The following NOVA2 variants were observed in gnomAD, a reference collection of about 807,000 sequenced individuals.
The protein encoded by NOVA2 is RNA-binding protein Nova-2.
In NOVA2, 9 loss-of-function variants were observed where a neutral mutation model predicts 22.5. That is an observed-to-expected ratio of 0.40 (90% CI 0.24 to 0.70). The LOEUF (loss-of-function observed/expected upper bound fraction) is 0.70. Ranked by LOEUF, NOVA2 falls within the 30% of genes least tolerant of loss-of-function variation. NOVA2 has a pLI of 0.38. For synonymous variants in NOVA2, 318 were observed against 335.2 expected (o/e 0.95, Z 0.56); for missense variants, 383 against 682.8 (o/e 0.56, Z 4.89).
At chr19:45,942,649 T>C (rs1967777436) in intron 3 of NOVA2, among the ~76,000 whole-genome samples, 1 of 152,092 alleles carries the variant, frequency 6.6e-6, no homozygotes, top group African/African-American at 2.4e-5. Flanking sequence ...TCAATCTCCT[T>C]CTAATTCCTG....
intron 1 of NOVA2, among the ~76,000 whole-genome samples, chr19:45,970,516 T>C (rs1026818313): frequency 1.3e-5 from 2 of 151,812 alleles, no homozygotes; most frequent in Non-Finnish European, 2.9e-5. Context: ...GCTCGGACTA[T>C]AGGCGCCCAC....
intron 3 of NOVA2, among the ~76,000 whole-genome samples, chr19:45,945,986 C>T (rs1344652358): frequency 1.7e-5 from 2 of 118,548 alleles, no homozygotes; most frequent in Non-Finnish European, 3.2e-5. Context: ...GCCTGAATGA[C>T]AGAGTGAGAC....
At chr19:45,967,656 C>T (rs1278797597) in intron 1 of NOVA2, 1 of 152,214 alleles carries the variant, frequency 6.6e-6, no homozygotes, top group African/African-American at 2.4e-5. Flanking sequence ...TGTATCCACC[C>T]CCTCAGGGAT....
chr19:45,945,841 T>A (rs8103184), intron 3 of NOVA2, among the ~76,000 whole-genome samples: 42,748 of 142,614 alleles, frequency 0.3, 6,739 homozygotes, highest in African/African-American at 0.44. Context: ...TATTATTATT[T>A]TTTTTTTTTT....
At chr19:45,958,603 C>G (rs1600613065) in intron 2 of NOVA2, among the ~76,000 whole-genome samples, 1 of 149,842 alleles carries the variant, frequency 6.7e-6, no homozygotes, top group South Asian at 2.1e-4. Context: ...GTGAGCATGA[C>G]AGTGTGCGTG....
At chr19:45,946,742 C>T (rs1967845057) in intron 3 of NOVA2, among the ~76,000 whole-genome samples, 1 of 152,020 alleles carries the variant, frequency 6.6e-6, no homozygotes, top group Non-Finnish European at 1.5e-5. Flanking sequence ...CGTGGTGGCA[C>T]ACGCCTGTAG....
intron 1 of NOVA2, among the ~76,000 whole-genome samples, chr19:45,962,903 C>T (rs1968116610): frequency 6.6e-6 from 1 of 152,136 alleles, no homozygotes; most frequent in African/African-American, 2.4e-5. Flanking sequence ...CCACCTCGGC[C>T]TCCCAAAGTG....
rs538110541 is a variant in NOVA2, at chr19:45,936,562, CT to C, written c.*3300del. 9.3e-3 allele frequency: 1,294 copies of C among 139,044 alleles called. 10 individuals carry two copies. The highest frequency in any genetic ancestry group is 0.029 in the Middle Eastern group (8 of 280). The allele number at this position is 139,044 out of a possible 1,614,324, so 8.6% of individuals were successfully genotyped here. On this transcript the variant is annotated 3_prime_UTR_variant, in exon 4 of 4. Coordinates refer to ENST00000263257, the MANE Select transcript of NOVA2 (RefSeq NM_002516.4). The stretch of plus-strand genomic sequence containing the variant: ...GGCTCAGTTCCAAGGAAGTTTGGCA[CT>C]TTTTTTTTTTTTTAAATGGGGAAAT...
chr19:45,941,910 C>T (rs1182612168), intron 3 of NOVA2, among the ~76,000 whole-genome samples: 1 of 152,164 alleles, frequency 6.6e-6, no homozygotes, highest in Non-Finnish European at 1.5e-5. Flanking sequence ...ATGGGGCCCT[C>T]CAGGATCTCA....
chr19:45,944,305 G>A (rs1024655683), intron 3 of NOVA2, among the ~76,000 whole-genome samples: 1 of 152,008 alleles, frequency 6.6e-6, no homozygotes, highest in African/African-American at 2.4e-5. Context: ...AGCCAGGTGT[G>A]GTGGCATCTG....
intron 1 of NOVA2, among the ~76,000 whole-genome samples, chr19:45,966,707 G>A (rs1003121371): frequency 1.3e-5 from 2 of 152,136 alleles, no homozygotes; most frequent in African/African-American, 4.8e-5. Flanking sequence ...GTAAAACCCC[G>A]TCTCTACTAA....
Position 45,973,314 on chromosome 19 carries a change from A to AT in NOVA2, c.37_38insA (p.Leu13HisfsTer102). ...GCAGACCACCTCGGGGGGCGTTTCG[A>AT]GGGGCCTCTTGCGGGAATCCGGGGC... On this transcript the variant is annotated frameshift_variant, in exon 1 of 4. Transcript: ENST00000263257. LOFTEE classifies it high-confidence loss of function. 7.6e-7 allele frequency: 1 copy of AT among 1,307,582 alleles called. No individual in the cohort carries two copies. 81.0% of individuals were successfully genotyped at this position (1,307,582 alleles called of 1,614,324 possible).
At chr19:45,959,717 G>T (rs1177163132) in intron 2 of NOVA2, among the ~76,000 whole-genome samples, 4 of 150,446 alleles carry the variant, frequency 2.7e-5, no homozygotes, top group South Asian at 4.2e-4. Flanking sequence ...AGAGAGAAGA[G>T]GAGAGAAGAT....
At chr19:45,960,653 C>T (rs1479532061) in intron 2 of NOVA2, among the ~76,000 whole-genome samples, 2 of 152,010 alleles carry the variant, frequency 1.3e-5, no homozygotes, top group Non-Finnish European at 2.9e-5. Context: ...TGGAACATGG[C>T]TGGCTGGCCC....
Position 45,940,225 on chromosome 19 carries a change from C to G in NOVA2, c.1117G>C (p.Gly373Arg). The change falls in exon 4 of 4, where the codon GGG becomes CGG. Residue 373 changes from glycine (G) to arginine (R), a missense_variant. Physicochemically the swap from Gly to Arg is moderately radical, Grantham distance 125 (BLOSUM62 -2). Transcript: ENST00000263257. The part of the protein sequence containing the change: ...NGYLGAGAGG[G>R]AGGGGGPLVA... Reference sequence around the variant, plus strand: ...AGCGGGCCGCCCCCTCCGCCCGCCCCGCCGCCCGCCCCGGCCCCGAGGTAG... The same window carrying G: ...AGCGGGCCGCCCCCTCCGCCCGCCCGGCCGCCCGCCCCGGCCCCGAGGTAG... 5 of 1,106,024 alleles carry G rather than the reference C, an allele frequency of 4.5e-6. No individual in the cohort carries two copies. Among genetic ancestry groups the G allele is most frequent in the Non-Finnish European group, 5.5e-6 (5 of 912,152 alleles). The allele number at this position is 1,106,024 out of a possible 1,614,324, so 68.5% of individuals were successfully genotyped here.
chr19:45,941,936 A>G (rs956862925), intron 3 of NOVA2, among the ~76,000 whole-genome samples: 15 of 152,122 alleles, frequency 9.9e-5, no homozygotes, highest in Admixed American at 8.5e-4. Context: ...AGCTTGCACA[A>G]TGGCCCACCC....
intron 1 of NOVA2, among the ~76,000 whole-genome samples, chr19:45,963,076 A>G (rs1968119228): frequency 6.6e-6 from 1 of 152,076 alleles, no homozygotes. Flanking sequence ...ACTTCTCAGT[A>G]TAAGAAGACC....
chr19:45,958,610 CGT>C (rs1164965996), intron 2 of NOVA2, among the ~76,000 whole-genome samples: 1 of 148,668 alleles, frequency 6.7e-6, no homozygotes, highest in Non-Finnish European at 1.5e-5. Flanking sequence ...TGACAGTGTG[CGT>C]GTCAGCGTGT....
chr19:45,971,003 A>G (rs1968225763), intron 1 of NOVA2, among the ~76,000 whole-genome samples: 1 of 152,168 alleles, frequency 6.6e-6, no homozygotes, highest in Non-Finnish European at 1.5e-5. Flanking sequence ...GGTTACGTCC[A>G]GGAGCTCCGG....
Sources: allele counts gnomAD v4.1 joint callset (sites outside exome capture counted in the v4.1 genomes callset), GRCh38; gene constraint gnomAD v4.1.1; transcripts MANE v1.5; gene names NCBI Gene and HGNC (gene_info 2026-07-23, HGNC 2026-07-21).